Variants in TSPAN9 observed in about 807,000 individuals in gnomAD.
The protein encoded by TSPAN9 is tetraspanin-9.
TSPAN9 carries 16 observed loss-of-function variants against 31.0 expected under a neutral mutation model. The ratio of observed to expected loss-of-function variants is 0.52; its 90% CI spans 0.35 to 0.78. TSPAN9 has a LOEUF of 0.78. Ranked by LOEUF, TSPAN9 falls within the 30% of genes least tolerant of loss-of-function variation. The probability of loss-of-function intolerance (pLI) is 0.01; values close to 1 mark genes in which losing one functional copy is unlikely to be tolerated. For missense variants in TSPAN9, 272 were observed against 312.5 expected (o/e 0.87, Z 0.98); for synonymous variants, 145 against 121.6 (o/e 1.19, Z -1.27).
At chr12:3,248,974 T>C (rs888507042) in intron 3 of TSPAN9, among the ~76,000 whole-genome samples, 2 of 152,218 alleles carry the variant, frequency 1.3e-5, no homozygotes, top group Non-Finnish European at 2.9e-5. Flanking sequence ...CTCCTGTCCG[T>C]CCCACCCGTT....
chr12:3,245,175 G>T (rs912323037), intron 3 of TSPAN9, among the ~76,000 whole-genome samples: 2 of 152,212 alleles, frequency 1.3e-5, no homozygotes, highest in African/African-American at 4.8e-5. Flanking sequence ...ACTCGGCACT[G>T]CTCTGACCAG....
Position 3,178,351 on chromosome 12 carries a change from C to T in TSPAN9, c.-17-22826C>T, listed in dbSNP as rs544934135. Among the ~76,000 whole-genome samples the T allele has an allele frequency of 4.0e-5, 6 of 151,278 alleles. No individual in the cohort carries two copies. The East Asian group carries it at 9.8e-4, about 25-fold the overall frequency. On this transcript the variant is annotated intron_variant, in intron 2 of 8. Transcript: ENST00000011898. ...TGTTGCCCAGGCTGGAGTGCAGTGG[C>T]GTGCTCTCATTTCACTGCAACCCCT... is the stretch of plus-strand genomic sequence containing the variant.
At chr12:3,269,704 G>A (rs1198358513) in intron 3 of TSPAN9, among the ~76,000 whole-genome samples, 3 of 152,250 alleles carry the variant, frequency 2.0e-5, no homozygotes, top group African/African-American at 7.2e-5. Context: ...ATCCTTCCAT[G>A]CCCAAAGTGA....
intron 2 of TSPAN9, among the ~76,000 whole-genome samples, chr12:3,180,774 A>C (rs1270306364): frequency 3.9e-5 from 6 of 152,188 alleles, no homozygotes; most frequent in Non-Finnish European, 8.8e-5. Flanking sequence ...TCACCTTAAC[A>C]TCACCTTTCT....
chr12:3,079,132 G>A (rs982838573), intron 1 of TSPAN9, among the ~76,000 whole-genome samples: 19 of 151,828 alleles, frequency 1.3e-4, no homozygotes, highest in African/African-American at 4.4e-4. Flanking sequence ...GGCGCGTGCC[G>A]CCACGCCTTC....
At chr12:3,085,254 A>G (rs1305757823) in intron 2 of TSPAN9, among the ~76,000 whole-genome samples, 1 of 151,366 alleles carries the variant, frequency 6.6e-6, no homozygotes, top group Non-Finnish European at 1.5e-5. Context: ...GGACAAGGGA[A>G]TGACCGTCCT....
intron 2 of TSPAN9, among the ~76,000 whole-genome samples, chr12:3,109,827 G>T (rs1591632289): frequency 3.6e-5 from 5 of 140,320 alleles, no homozygotes; most frequent in African/African-American, 1.2e-4. Flanking sequence ...ACTTTTTAGG[G>T]CATAAAACTA....
rs375049312 is a variant in TSPAN9 at position 3,205,455 on chromosome 12, C to T, written c.63+4199C>T. 1.1e-4 allele frequency among the ~76,000 whole-genome samples: 17 copies of T among 152,328 alleles called. No individual in the cohort carries two copies. The East Asian group carries it at 2.5e-3, about 22-fold the overall frequency. ...TGGGTGCAGGCAGCATGGTCGGGCT[C>T]TCCAGCTGCATTGGTGGCACGTGCT... On this transcript the variant is annotated intron_variant, in intron 3 of 8. Transcript: ENST00000011898.
chr12:3,176,694 C>T lies in TSPAN9; in HGVS notation c.-17-24483C>T, dbSNP rs745590900. On this transcript the variant is annotated intron_variant, in intron 2 of 8. Coordinates refer to ENST00000011898, the MANE Select transcript of TSPAN9 (RefSeq NM_006675.5). ...ACTCTATTCTGGGCCCTCGTCTCAG[C>T]GAAGAAAGTATCTGTCCTACATTAG... Among the ~76,000 whole-genome samples, 19 of 152,196 alleles carry T rather than the reference C, an allele frequency of 1.2e-4. No homozygotes were observed. In the South Asian group the frequency reaches 2.1e-3, roughly 17 times the overall value.
At chr12:3,164,560 G>A (rs929605868) in intron 2 of TSPAN9, among the ~76,000 whole-genome samples, 3 of 152,244 alleles carry the variant, frequency 2.0e-5, no homozygotes, top group Admixed American at 6.5e-5. Context: ...TCCCAGGCCT[G>A]CGAGGGGAGA....
rs534048662 is a variant in TSPAN9, at chr12:3,207,093, G to A, written c.63+5837G>A. Among the ~76,000 whole-genome samples, 7 of 152,244 alleles carry A rather than the reference G, an allele frequency of 4.6e-5. No homozygotes were observed. In the South Asian group the frequency reaches 1.5e-3, roughly 32 times the overall value. On this transcript the variant is annotated intron_variant, in intron 3 of 8. Coordinates refer to ENST00000011898, the MANE Select transcript of TSPAN9 (RefSeq NM_006675.5). ...GCACCCTTCAGGAATGGCTTCTGGGGGTGGAGAGTTCGGAGTGGGTTCCGA... is the reference window on the plus strand; with the variant it reads ...GCACCCTTCAGGAATGGCTTCTGGGAGTGGAGAGTTCGGAGTGGGTTCCGA...
chr12:3,085,392 C>T (rs377233734), intron 2 of TSPAN9, among the ~76,000 whole-genome samples: 79 of 151,674 alleles, frequency 5.2e-4, no homozygotes, highest in African/African-American at 1.6e-3. Context: ...CCTGACGTCA[C>T]CAGCCGTGTC....
chr12:3,280,519 G>A lies in TSPAN9; in HGVS notation c.432+36G>A, dbSNP rs758474210. On this transcript the variant is annotated intron_variant, in intron 6 of 8. Transcript: ENST00000011898. The surrounding 1 kb of genome is among the most constrained non-coding windows in gnomAD (Gnocchi z 4.5). ...GGCCGCCCTGGTGGGGCCAGGCAGG[G>A]AGGAGGGGTGGCGGCCGGTACTTCT... 8.2e-6 allele frequency: 13 copies of A among 1,588,012 alleles called. No homozygotes were observed. Among genetic ancestry groups the A allele is most frequent in the Middle Eastern group, 3.3e-4 (2 of 6,026 alleles).
chr12:3,271,083 G>T (rs1862668589), intron 3 of TSPAN9, among the ~76,000 whole-genome samples: 1 of 152,212 alleles, frequency 6.6e-6, no homozygotes, highest in Non-Finnish European at 1.5e-5. Flanking sequence ...ATATGCAAAT[G>T]CTTTATGTAA....
intron 3 of TSPAN9, among the ~76,000 whole-genome samples, chr12:3,226,710 GTGTA>G (rs1344677755): frequency 0.032 from 500 of 15,756 alleles, 29 homozygotes; most frequent in African/African-American, 0.11. Flanking sequence ...GTGTGTGTAT[GTGTA>G]TGTATGTGTG....
At chr12:3,089,604 A>AT (rs558346843) in intron 2 of TSPAN9, among the ~76,000 whole-genome samples, 78 of 151,492 alleles carry the variant, frequency 5.1e-4, no homozygotes, top group African/African-American at 1.7e-3. Flanking sequence ...CTCAAGGTGA[A>AT]TTTTTTTTTA....
At chr12:3,155,253 G>C (rs2098341653) in intron 2 of TSPAN9, among the ~76,000 whole-genome samples, 1 of 152,150 alleles carries the variant, frequency 6.6e-6, no homozygotes, top group Admixed American at 6.5e-5. Flanking sequence ...AGCATAAAGT[G>C]ATGAAATTAA....
At chr12:3,214,675 C>G (rs12310131) in intron 3 of TSPAN9, among the ~76,000 whole-genome samples, 22,773 of 151,994 alleles carry the variant, frequency 0.15, 1,876 homozygotes, top group Admixed American at 0.2. Context: ...CGCCCTCCCC[C>G]CTGCAGGGGA....
rs188830998 is a variant in TSPAN9, at chr12:3,146,701, A to G, written c.-17-54476A>G. Among the ~76,000 whole-genome samples, 436 of 152,062 alleles carry G rather than the reference A, an allele frequency of 2.9e-3. 2 individuals are homozygous for G. The highest frequency in any genetic ancestry group is 9.9e-3 in the African/African-American group (410 of 41,444). ...ATCTTTCTCCACCTGCTTTGTGTCT[A>G]TGGCCTTTCTCCACCCACCCAGTGC... On this transcript the variant is annotated intron_variant, in intron 2 of 8. Transcript: ENST00000011898.
Sources: gnomAD v4.1 joint callset for allele counts (sites outside exome capture counted in the v4.1 genomes callset) on GRCh38, gnomAD v4.1.1 for gene constraint, Gnocchi (gnomAD v3.1) non-coding constraint, MANE v1.5 for transcripts, NCBI Gene and HGNC (gene_info 2026-07-23, HGNC 2026-07-21) for gene names.